Variants in SPATA13 observed in about 807,000 individuals in gnomAD.
SPATA13 encodes spermatogenesis-associated protein 13.
Under a neutral mutation model 104.0 loss-of-function variants are expected in SPATA13, and 50 were observed. The observed-to-expected ratio is 0.48, with a 90% CI of 0.38 to 0.61. SPATA13 has a LOEUF of 0.61. Among genes scored for constraint, SPATA13 ranks in the 20% least tolerant of loss-of-function variants. SPATA13 has a pLI of 0.00. For synonymous variants in SPATA13, 606 were observed against 667.5 expected (o/e 0.91, Z 1.42); for missense variants, 1,524 against 1,690.6 (o/e 0.90, Z 1.73).
At chr13:24,139,936 C>G (rs368686047) in intron 3 of SPATA13, among the ~76,000 whole-genome samples, 2 of 151,978 alleles carry the variant, frequency 1.3e-5, no homozygotes, top group African/African-American at 2.4e-5. Flanking sequence ...GACGTGGTGG[C>G]GGGCACCTGT....
chr13:24,165,906 C>T (rs1326946276), intron 1 of SPATA13, among the ~76,000 whole-genome samples: 1 of 152,196 alleles, frequency 6.6e-6, no homozygotes, highest in East Asian at 1.9e-4. Flanking sequence ...GAGTCCTAAA[C>T]AACTTGCACA....
In SPATA13 at chr13:24,189,641, A is replaced by T. The variant is rs1230247652; in HGVS notation, c.-112+28709A>T. Among the ~76,000 whole-genome samples, 3 of 17,940 alleles carry T rather than the reference A, an allele frequency of 1.7e-4. 1 individual carries two copies. Among genetic ancestry groups the T allele is most frequent in the African/African-American group, 2.9e-4 (3 of 10,520 alleles). 11.8% of individuals were successfully genotyped at this position (17,940 alleles called of 152,430 possible). ...ATTTATTATATAAATATATATATTT[A>T]TATATATATTATATATTATATATTT... On this transcript the variant is annotated intron_variant, in intron 1 of 12. Transcript: ENST00000382108.
At chr13:24,160,641 T>A (rs775692755), upstream of SPATA13, 29 of 777,732 alleles carry the variant, frequency 3.7e-5, no homozygotes, top group East Asian at 3.7e-4. Context: ...ACCGGGGGCG[T>A]GGCCTGATAT....
chr13:24,287,174 T>C (rs892383723), intron 7 of SPATA13, among the ~76,000 whole-genome samples: 24 of 152,122 alleles, frequency 1.6e-4, no homozygotes, highest in African/African-American at 4.8e-4. Context: ...ACAAGGCTTT[T>C]CTTAGAGATA....
In SPATA13 at chr13:24,306,598, G is replaced by C. The variant is rs1279432663; in HGVS notation, c.*3825G>C. Reference sequence around the variant, plus strand: ...GATGCAATGAAAGTGGATTTCAAAAGGCTTTGGAAAAATAAGTGGAACATG... The same window carrying C: ...GATGCAATGAAAGTGGATTTCAAAACGCTTTGGAAAAATAAGTGGAACATG... On this transcript the variant is annotated 3_prime_UTR_variant, in exon 13 of 13. Transcript: ENST00000382108. The C allele has an allele frequency of 2.0e-5, 3 of 151,854 alleles. No homozygotes were observed. Among genetic ancestry groups the C allele is most frequent in the Admixed American group, 6.6e-5 (1 of 15,266 alleles). The allele number at this position is 151,854 out of a possible 1,614,324, so 9.4% of individuals were successfully genotyped here. A position where few individuals can be genotyped will look rare whatever the true frequency, so the allele number is the denominator to read the frequency against.
chr13:24,140,227 G>C (rs535416254), intron 3 of SPATA13, among the ~76,000 whole-genome samples: 1 of 152,156 alleles, frequency 6.6e-6, no homozygotes, highest in Non-Finnish European at 1.5e-5. Context: ...AAGCCTAGTC[G>C]TTTAGGTTAA....
chr13:24,040,963 G>GGAA (rs1407219097), intron 3 of SPATA13, among the ~76,000 whole-genome samples: 1 of 152,174 alleles, frequency 6.6e-6, no homozygotes, highest in Non-Finnish European at 1.5e-5. Context: ...AGACTCAGGG[G>GGAA]GAACGAACAA....
At chr13:24,033,110 G>A (rs1216283415) in intron 3 of SPATA13, among the ~76,000 whole-genome samples, 2 of 152,192 alleles carry the variant, frequency 1.3e-5, no homozygotes, top group African/African-American at 4.8e-5. Context: ...GTCCTTTGAT[G>A]TTAGGTAGCA....
chr13:24,009,263 T>C (rs1876364342), intron 2 of SPATA13, among the ~76,000 whole-genome samples: 1 of 152,262 alleles, frequency 6.6e-6, no homozygotes, highest in African/African-American at 2.4e-5. Context: ...CCCATGGTCC[T>C]GTGAACCAAA....
At chr13:24,298,125 A>G (rs1281575892) in intron 11 of SPATA13, among the ~76,000 whole-genome samples, 1 of 152,202 alleles carries the variant, frequency 6.6e-6, no homozygotes, top group African/African-American at 2.4e-5. Context: ...TTTGGATGCC[A>G]CATGCAGGGT....
At chr13:24,144,460 A>G (rs1347270844) in intron 3 of SPATA13, among the ~76,000 whole-genome samples, 1 of 152,052 alleles carries the variant, frequency 6.6e-6, no homozygotes. Flanking sequence ...GTGCTACCCA[A>G]AAAGTTTCCT....
chr13:24,288,482 A>G (rs1425557953), intron 7 of SPATA13, among the ~76,000 whole-genome samples: 3 of 152,164 alleles, frequency 2.0e-5, no homozygotes, highest in African/African-American at 7.2e-5. Flanking sequence ...GGTGTTGCAC[A>G]TAGATAATTA....
chr13:23,983,375 T>C (rs891945565), intron 1 of SPATA13, among the ~76,000 whole-genome samples: 3 of 152,338 alleles, frequency 2.0e-5, no homozygotes, highest in Admixed American at 2.0e-4. Context: ...CCCACCCATA[T>C]GACCTCATTA....
chr13:23,992,711 G>A (rs1875473149), intron 2 of SPATA13, among the ~76,000 whole-genome samples: 1 of 152,292 alleles, frequency 6.6e-6, no homozygotes, highest in African/African-American at 2.4e-5. Context: ...GGCCCTGCAG[G>A]AGAGGGATCC....
At chr13:24,034,404 CTT>C (rs1382311030) in intron 3 of SPATA13, 4 of 152,188 alleles carry the variant, frequency 2.6e-5, no homozygotes, top group African/African-American at 9.7e-5. Flanking sequence ...GGTCCAATCA[CTT>C]AATGCAAAAT....
In SPATA13 at chr13:24,123,597, C is replaced by A. The variant is rs1881114002; in HGVS notation, c.-111-99222C>A. On this transcript the variant is annotated intron_variant, in intron 3 of 14. Transcript: ENST00000424834. ...TTGCAGTACCTCTTTCCTCTTACTA[C>A]AGGCTGTAAACAAAAGTGTCTGGGC... 4 of 1,608,296 alleles carry A rather than the reference C, an allele frequency of 2.5e-6. No individual in the cohort carries two copies. In the Admixed American group the frequency reaches 6.7e-5, roughly 27 times the overall value.
At chr13:23,982,531 A>G (rs764967799) in intron 1 of SPATA13, among the ~76,000 whole-genome samples, 1 of 152,194 alleles carries the variant, frequency 6.6e-6, no homozygotes, top group Non-Finnish European at 1.5e-5. Context: ...TTTTATAGAT[A>G]CTATCCTGAG....
chr13:24,105,149 G>C (rs1427482692), intron 3 of SPATA13, among the ~76,000 whole-genome samples: 1 of 152,098 alleles, frequency 6.6e-6, no homozygotes, highest in Admixed American at 6.5e-5. Flanking sequence ...GTGAGACAGA[G>C]TTTCACTCTG....
chr13:24,274,298 A>C (rs1874822142), intron 4 of SPATA13, among the ~76,000 whole-genome samples: 1 of 152,224 alleles, frequency 6.6e-6, no homozygotes, highest in South Asian at 2.1e-4. Flanking sequence ...AAATTTTTCC[A>C]GGTGTCAGAA....
Sources: gnomAD v4.1 joint callset for allele counts (sites outside exome capture counted in the v4.1 genomes callset) on GRCh38, gnomAD v4.1.1 for gene constraint, MANE v1.5 for transcripts, NCBI Gene and HGNC (gene_info 2026-07-23, HGNC 2026-07-21) for gene names.